Variants in MRPL42 observed in about 807,000 individuals in gnomAD.
MRPL42 encodes large ribosomal subunit protein mL42.
Under a neutral mutation model 17.9 loss-of-function variants are expected in MRPL42, and 17 were observed. The observed-to-expected ratio is 0.95, with a 90% CI of 0.65 to 1.42. The LOEUF is 1.42. Among genes scored for constraint, MRPL42 ranks in the 40% most tolerant of loss-of-function variants. The probability of loss-of-function intolerance (pLI) is 0.00; values close to 1 mark genes in which losing one functional copy is unlikely to be tolerated. For synonymous variants in MRPL42, 59 were observed against 54.4 expected (o/e 1.08, Z -0.37); for missense variants, 177 against 175.2 (o/e 1.01, Z -0.06).
At chr12:93,480,520 G>A (rs1421624846) in intron 4 of MRPL42, among the ~76,000 whole-genome samples, 1 of 151,404 alleles carries the variant, frequency 6.6e-6, no homozygotes, top group Non-Finnish European at 1.5e-5. Context: ...TCAGGGTGCC[G>A]GTTGATTTGA....
intron 3 of MRPL42, among the ~76,000 whole-genome samples, chr12:93,477,658 G>T (rs1040123924): frequency 6.6e-6 from 1 of 152,090 alleles, no homozygotes; most frequent in South Asian, 2.1e-4. Context: ...GAGCAGTGGT[G>T]TGATCTTGGC....
chr12:93,514,129 G>A lies in MRPL42; in HGVS notation c.*12908G>A, dbSNP rs529776416. On this transcript the variant is annotated 3_prime_UTR_variant, in exon 6 of 6. Transcript: ENST00000549982. ...CTCCCAAAGTGCTAGGATTACAGGCGTGAGCCACCATGCCCAGCCAACTCC... is the reference window on the plus strand; with the variant it reads ...CTCCCAAAGTGCTAGGATTACAGGCATGAGCCACCATGCCCAGCCAACTCC... 486 of 152,042 alleles carry A rather than the reference G, an allele frequency of 3.2e-3. 4 individuals are homozygous for A. The highest frequency in any genetic ancestry group is 5.2e-3 in the Non-Finnish European group (357 of 68,040). 9.4% of individuals were successfully genotyped at this position (152,042 alleles called of 1,614,324 possible). A position where few individuals can be genotyped will look rare whatever the true frequency, so the allele number is the denominator to read the frequency against.
At chr12:93,481,087 A>T (rs1215844968) in intron 4 of MRPL42, among the ~76,000 whole-genome samples, 1 of 152,152 alleles carries the variant, frequency 6.6e-6, no homozygotes, top group Non-Finnish European at 1.5e-5. Flanking sequence ...TAGCAATTAT[A>T]CTAAGAATGC....
In MRPL42 at chr12:93,509,472, TAAA is replaced by T. The variant is rs1452601420; in HGVS notation, c.*8255_*8257del. On this transcript the variant is annotated 3_prime_UTR_variant, in exon 6 of 6. Coordinates refer to ENST00000549982, the MANE Select transcript of MRPL42 (RefSeq NM_014050.4). ...TTGCTCTTTTTTTTTTCTTAGCACT[TAAA>T]AAAGACTTTTTGCCAGGCACAGTGG... 1 of 151,808 alleles carries T rather than the reference TAAA, an allele frequency of 6.6e-6. No homozygotes were observed. The highest frequency in any genetic ancestry group is 1.5e-5 in the Non-Finnish European group (1 of 67,930). 9.4% of individuals were successfully genotyped at this position (151,808 alleles called of 1,614,324 possible).
intron 4 of MRPL42, among the ~76,000 whole-genome samples, chr12:93,482,222 C>T (rs924671574): frequency 2.0e-5 from 3 of 152,186 alleles, no homozygotes; most frequent in African/African-American, 7.2e-5. Flanking sequence ...ACTCTCTTTC[C>T]TTAAGGTCTT....
intron 2 of MRPL42, chr12:93,470,373 T>C: frequency 1.0e-6 from 1 of 973,732 alleles, no homozygotes; most frequent in Non-Finnish European, 1.3e-6. Context: ...TATAAACAGC[T>C]CTTATAGGAA....
At chr12:93,487,414 G>A in intron 4 of MRPL42, 83 bp from the exon 5 acceptor site, 1 of 1,266,982 alleles carries the variant, frequency 7.9e-7, no homozygotes. Flanking sequence ...TACTGAATAT[G>A]GTAATTGTTT....
intron 5 of MRPL42, chr12:93,500,698 C>CA (rs1318194100): frequency 6.7e-6 from 1 of 148,772 alleles, no homozygotes; most frequent in Non-Finnish European, 1.5e-5. Flanking sequence ...ACTACTAAGA[C>CA]AAAAAACCAT....
At chr12:93,493,862 A>G (rs1186507903) in intron 5 of MRPL42, among the ~76,000 whole-genome samples, 1 of 14,574 alleles carries the variant, frequency 6.9e-5, no homozygotes, top group African/African-American at 3.3e-4. Flanking sequence ...CCCGACTTTC[A>G]TGGATCTTAC....
At chr12:93,488,778 AT>A (rs1187073246) in intron 5 of MRPL42, among the ~76,000 whole-genome samples, 2 of 150,296 alleles carry the variant, frequency 1.3e-5, no homozygotes, top group Admixed American at 1.3e-4. Context: ...CCTCTTTTTG[AT>A]TTTTTTCTTT....
chr12:93,500,144 GT>G (rs1953563118), intron 5 of MRPL42, among the ~76,000 whole-genome samples: 1 of 152,144 alleles, frequency 6.6e-6, no homozygotes, highest in Non-Finnish European at 1.5e-5. Context: ...CTATACATAA[GT>G]TTTGTTAGTT....
In MRPL42 at chr12:93,513,116, T is replaced by C. The variant is rs1953739735; in HGVS notation, c.*11895T>C. 6.6e-6 allele frequency: 1 copy of C among 152,016 alleles called. No homozygotes were observed. Among genetic ancestry groups the C allele is most frequent in the African/African-American group, 2.4e-5 (1 of 41,380 alleles). 9.4% of individuals were successfully genotyped at this position (152,016 alleles called of 1,614,324 possible). On this transcript the variant is annotated 3_prime_UTR_variant, in exon 6 of 6. Coordinates refer to ENST00000549982, the MANE Select transcript of MRPL42 (RefSeq NM_014050.4). ...ATACATCAATCCATGAAAGTAGTAG[T>C]ATTGTCAATCTACCCTGGATTACAT...
rs1953591619 is a variant in MRPL42, at chr12:93,501,323, A to G, written c.*102A>G. ...TAATATATAGTAAAGTAATAATGAT[A>G]AAATATCTTTTCATATATTAGAATG... On this transcript the variant is annotated 3_prime_UTR_variant, in exon 6 of 6. Transcript: ENST00000549982. The G allele has an allele frequency of 1.4e-6, 1 of 697,958 alleles. No homozygotes were observed. The highest frequency in any genetic ancestry group is 2.2e-6 in the Non-Finnish European group (1 of 455,802). 43.2% of individuals were successfully genotyped at this position (697,958 alleles called of 1,614,324 possible). A position where few individuals can be genotyped will look rare whatever the true frequency, so the allele number is the denominator to read the frequency against.
intron 3 of MRPL42, among the ~76,000 whole-genome samples, chr12:93,478,778 C>T (rs780785176): frequency 3.3e-5 from 5 of 152,102 alleles, no homozygotes; most frequent in Non-Finnish European, 7.3e-5. Context: ...TTGTTAGCTA[C>T]AAATGTATTT....
intron 2 of MRPL42, among the ~76,000 whole-genome samples, chr12:93,471,611 G>A (rs1490063100): frequency 1.3e-5 from 2 of 152,006 alleles, no homozygotes; most frequent in Non-Finnish European, 2.9e-5. Context: ...ACCAAATCCT[G>A]CTCTTATAGG....
intron 4 of MRPL42, among the ~76,000 whole-genome samples, chr12:93,484,697 A>G (rs1409297197): frequency 6.6e-6 from 1 of 151,686 alleles, no homozygotes; most frequent in African/African-American, 2.4e-5. Context: ...ACTGGGTTCA[A>G]ACGATTCTTC....
At chr12:93,469,472 A>T in intron 2 of MRPL42, 117 bp downstream of exon 2, 1 of 701,938 alleles carries the variant, frequency 1.4e-6, no homozygotes, top group Non-Finnish European at 2.3e-6. Flanking sequence ...CAGCAATGGA[A>T]AGTGGGAGAA....
In MRPL42 at chr12:93,510,893, GGAGA is replaced by G. The variant is rs1953719830; in HGVS notation, c.*9675_*9678del. The stretch of plus-strand genomic sequence containing the variant: ...AAGATTAGATCTGTTTAAAGAGAAA[GGAGA>G]GAAAGTTTCAGGCAGGGAATGCAAT... On this transcript the variant is annotated 3_prime_UTR_variant, in exon 6 of 6. Transcript: ENST00000549982. 1 of 152,308 alleles carries G rather than the reference GGAGA, an allele frequency of 6.6e-6. No homozygotes were observed. Among genetic ancestry groups the G allele is most frequent in the Admixed American group, 6.5e-5 (1 of 15,298 alleles). 9.4% of individuals were successfully genotyped at this position (152,308 alleles called of 1,614,324 possible). A position where few individuals can be genotyped will look rare whatever the true frequency, so the allele number is the denominator to read the frequency against.
chr12:93,500,984 A>G, intron 5 of MRPL42, 192 bp from the exon 6 acceptor site: 2 of 482,092 alleles, frequency 4.1e-6, no homozygotes, highest in Non-Finnish European at 7.4e-6. Context: ...AAAAAAAATG[A>G]TTAGGTAAAG....
Sources: gnomAD v4.1 joint callset for allele counts (sites outside exome capture counted in the v4.1 genomes callset) on GRCh38, gnomAD v4.1.1 for gene constraint, MANE v1.5 for transcripts, NCBI Gene and HGNC (gene_info 2026-07-23, HGNC 2026-07-21) for gene names.